Variants in TCF7L2 observed in about 807,000 individuals in gnomAD.
TCF7L2 encodes transcription factor 7-like 2.
In TCF7L2, 23 loss-of-function variants were observed where a neutral mutation model predicts 77.9. That is an observed-to-expected ratio of 0.30 (90% CI 0.21 to 0.42). The LOEUF is 0.42. Among genes scored for constraint, TCF7L2 ranks in the 10% least tolerant of loss-of-function variants. TCF7L2 has a pLI of 1.00. For synonymous variants in TCF7L2, 413 were observed against 340.2 expected (o/e 1.21, Z -2.36); for missense variants, 654 against 793.1 (o/e 0.82, Z 2.11).
intron 4 of TCF7L2, among the ~76,000 whole-genome samples, chr10:112,968,279 A>G (rs888093087): frequency 6.6e-6 from 1 of 152,134 alleles, no homozygotes; most frequent in Non-Finnish European, 1.5e-5. Context: ...TGCCTCTGAG[A>G]CAGCAAGACC....
intron 4 of TCF7L2, among the ~76,000 whole-genome samples, chr10:113,035,890 A>G (rs1009878575): frequency 6.6e-6 from 1 of 152,284 alleles, no homozygotes; most frequent in Non-Finnish European, 1.5e-5. Flanking sequence ...GTTATGACAG[A>G]GATTGTGTGG....
At chr10:113,092,048 C>T (rs2060459842) in intron 5 of TCF7L2, among the ~76,000 whole-genome samples, 1 of 152,168 alleles carries the variant, frequency 6.6e-6, no homozygotes, top group South Asian at 2.1e-4. Flanking sequence ...ACTCATTAAT[C>T]TTTGGTTGGC....
chr10:113,048,807 C>T (rs553248190), intron 5 of TCF7L2, among the ~76,000 whole-genome samples: 2 of 152,260 alleles, frequency 1.3e-5, no homozygotes, highest in Middle Eastern at 3.4e-3. Flanking sequence ...GGGCCACTGG[C>T]TCTTTAAGAG....
Position 113,160,741 on chromosome 10 carries a change from C to T in TCF7L2, c.1391+50C>T, listed in dbSNP as rs919829888. The T allele has an allele frequency of 7.9e-6, 12 of 1,513,670 alleles. No individual in the cohort carries two copies. The African/African-American group carries it at 1.5e-4, about 19-fold the overall frequency. The allele number at this position is 1,513,670 out of a possible 1,614,324, so 93.8% of individuals were successfully genotyped here. On this transcript the variant is annotated intron_variant, in intron 13 of 13. Transcript: ENST00000627217. ...GGGAAAATCAAAGCATTCTGTCCTT[C>T]CGGTACCTTAGCGTGATAATTTATT...
At chr10:113,149,221 G>A (rs140777051) in intron 8 of TCF7L2, among the ~76,000 whole-genome samples, 1 of 152,136 alleles carries the variant, frequency 6.6e-6, no homozygotes, top group Non-Finnish European at 1.5e-5. Flanking sequence ...GTCTCCCAAG[G>A]GGTTTTGCTT....
intron 4 of TCF7L2, among the ~76,000 whole-genome samples, chr10:112,992,471 A>G (rs1045088141): frequency 6.6e-6 from 1 of 152,168 alleles, no homozygotes; most frequent in African/African-American, 2.4e-5. Context: ...GCTCACTGCC[A>G]ATTGCCCGAG....
At chr10:113,069,787 T>A (rs1483866786) in intron 5 of TCF7L2, among the ~76,000 whole-genome samples, 1 of 152,174 alleles carries the variant, frequency 6.6e-6, no homozygotes, top group African/African-American at 2.4e-5. Flanking sequence ...CTTGGTACAG[T>A]TGAGATCTGC....
intron 4 of TCF7L2, among the ~76,000 whole-genome samples, chr10:112,985,865 T>TGG (rs1459429057): frequency 6.9e-6 from 1 of 144,378 alleles, no homozygotes; most frequent in African/African-American, 2.7e-5. Flanking sequence ...GTAGTTTGTG[T>TGG]GTGTGTGTGT....
At chr10:113,089,002 T>C (rs773139714) in intron 5 of TCF7L2, among the ~76,000 whole-genome samples, 9 of 151,812 alleles carry the variant, frequency 5.9e-5, no homozygotes, top group Admixed American at 1.3e-4. Context: ...CCATATGTAA[T>C]TGTATTTTTG....
rs2030739506 is a variant in TCF7L2, at chr10:112,950,830, G to A, written c.74G>A (p.Gly25Asp). ...GAACTGATTTCCTTCAAAGACGAGG[G>A]CGAACAGGAGGAGAAGAGCTCCGAA... Residue 25 changes from glycine (G) to aspartate (D), a missense_variant, in exon 1 of 14, where the codon GGC becomes GAC. Physicochemically the swap from Gly to Asp is moderately conservative, Grantham distance 94. Around this residue, in one of 6 missense-constraint regions of TCF7L2, gnomAD observed 37 missense variants for 48.1 expected, o/e 0.77. Coordinates refer to ENST00000627217, the MANE Select transcript of TCF7L2 (RefSeq NM_001146274.2). The A allele has an allele frequency of 1.2e-6, 2 of 1,605,966 alleles. No individual in the cohort carries two copies. Among genetic ancestry groups the A allele is most frequent in the African/African-American group, 1.3e-5 (1 of 74,802 alleles).
rs771431397 is a variant in TCF7L2 at position 113,158,088 on chromosome 10, G to C, written c.1318+19G>C. ...ACCAATGGTAAGTGACAATCATCAG[G>C]TTAGAGGAAGGAGCTGTAGCCTGAG... On this transcript the variant is annotated intron_variant, in intron 12 of 13. Coordinates refer to ENST00000627217, the MANE Select transcript of TCF7L2 (RefSeq NM_001146274.2). 26 of 1,588,536 alleles carry C rather than the reference G, an allele frequency of 1.6e-5. No individual in the cohort carries two copies. The highest frequency in any genetic ancestry group is 4.0e-5 in the African/African-American group (3 of 74,530).
intron 5 of TCF7L2, chr10:113,129,085 T>C (rs1027404993): frequency 4.5e-5 from 7 of 155,520 alleles, no homozygotes; most frequent in Admixed American, 3.3e-4. Flanking sequence ...GGGAGGTCAG[T>C]TGAAAATCTT....
chr10:113,013,255 A>G (rs910834826), intron 4 of TCF7L2, among the ~76,000 whole-genome samples: 19 of 151,430 alleles, frequency 1.3e-4, no homozygotes, highest in African/African-American at 4.6e-4. Flanking sequence ...AATAGCTGGG[A>G]CTACAGGCGT....
At position 113,118,518 on chromosome 10, in the gene TCF7L2, GGGGTGTGTGTGTGTGTGTGT is replaced by G. The variant is rs979497510; in HGVS notation, c.553-22664_553-22645del. Among the ~76,000 whole-genome samples, 107 of 45,486 alleles carry G rather than the reference GGGGTGTGTGTGTGTGTGTGT, an allele frequency of 2.4e-3. 1 individual carries two copies. Among genetic ancestry groups the G allele is most frequent in the African/African-American group, 9.2e-3 (104 of 11,284 alleles). 29.8% of individuals were successfully genotyped at this position (45,486 alleles called of 152,430 possible). The stretch of plus-strand genomic sequence containing the variant: ...AGTTTTCAACCAACTGGTCATCTGG[GGGGTGTGTGTGTGTGTGTGT>G]GTGTGTGTGTGTGTGTTTGTTCACC... On this transcript the variant is annotated intron_variant, in intron 5 of 13. Transcript: ENST00000627217.
At chr10:113,061,184 G>T (rs2056383949) in intron 5 of TCF7L2, among the ~76,000 whole-genome samples, 1 of 151,898 alleles carries the variant, frequency 6.6e-6, no homozygotes, top group Admixed American at 6.6e-5. Context: ...GCTTCTTTCA[G>T]TGACCCTTGG....
Position 113,143,955 on chromosome 10 carries a change from T to A in TCF7L2, c.718T>A (p.Ser240Thr), listed in dbSNP as rs1592254614. ...ACGGCCTCCGCACCCTCCAGATATA[T>A]CCCCGTATTACCCACTATCGCCTGG... The change falls in exon 7 of 14, where the codon TCC becomes ACC. Residue 240 changes from serine to threonine, a missense_variant. By Grantham distance (58) the Ser-to-Thr change is moderately conservative. Coordinates refer to ENST00000627217, the MANE Select transcript of TCF7L2 (RefSeq NM_001146274.2). The A allele has an allele frequency of 6.2e-7, 1 of 1,613,912 alleles. No individual in the cohort carries two copies. The highest frequency in any genetic ancestry group is 8.5e-7 in the Non-Finnish European group (1 of 1,179,966).
chr10:112,954,599 A>G (rs1417364937), intron 3 of TCF7L2, among the ~76,000 whole-genome samples: 1 of 152,258 alleles, frequency 6.6e-6, no homozygotes, highest in Non-Finnish European at 1.5e-5. Flanking sequence ...CTAGTTAAGT[A>G]GATGGGAAGT....
intron 13 of TCF7L2, among the ~76,000 whole-genome samples, 181 bp from the exon 15 acceptor site, chr10:113,165,374 G>T (rs1253247659): frequency 5.9e-5 from 9 of 152,066 alleles, no homozygotes; most frequent in Non-Finnish European, 1.3e-4. Flanking sequence ...TTAGATCTGG[G>T]CACTGTGAAG....
At chr10:113,068,859 T>C (rs1258320003) in intron 5 of TCF7L2, among the ~76,000 whole-genome samples, 2 of 152,032 alleles carry the variant, frequency 1.3e-5, no homozygotes, top group Non-Finnish European at 2.9e-5. Context: ...TTCCAACTCT[T>C]GGACTCCTCC....
Sources: gnomAD v4.1 joint callset for allele counts (sites outside exome capture counted in the v4.1 genomes callset) on GRCh38, gnomAD v4.1.1 for gene constraint, gnomAD v4.1.1 regional missense constraint, MANE v1.5 for transcripts, NCBI Gene and HGNC (gene_info 2026-07-23, HGNC 2026-07-21) for gene names.